Variants in SBF1 observed in about 807,000 individuals in gnomAD.
The protein encoded by SBF1 is myotubularin-related protein 5.
SBF1 carries 65 observed loss-of-function variants against 215.8 expected under a neutral mutation model. The ratio of observed to expected loss-of-function variants is 0.30; its 90% CI spans 0.25 to 0.37. SBF1 has a LOEUF of 0.37. Ranked by LOEUF, SBF1 falls within the 10% of genes least tolerant of loss-of-function variation. SBF1 has a pLI of 1.00. For synonymous variants in SBF1, 1,410 were observed against 1,122.8 expected, an observed-to-expected ratio of 1.26 and a Z score of -5.11; for missense variants, 2,634 against 2,667.8, an observed-to-expected ratio of 0.99 and a Z score of 0.28.
At chr22:50,447,497 T>TGCC in intron 39 of SBF1, 25 bp downstream of exon 39, 4 of 1,296,232 alleles carry the variant, frequency 3.1e-6, no homozygotes, top group South Asian at 1.2e-5. Flanking sequence ...CCCCCGTGAG[T>TGCC]CCCCCCCACC....
intron 36 of SBF1, among the ~76,000 whole-genome samples, chr22:50,451,106 G>A (rs1222758327): frequency 1.4e-5 from 2 of 144,402 alleles, no homozygotes; most frequent in Non-Finnish European, 3.0e-5. Context: ...AAGGTGAGAG[G>A]ACTGCTTGAG....
chr22:50,474,539 G>A (rs2068105522), intron 1 of SBF1, among the ~76,000 whole-genome samples: 3 of 152,232 alleles, frequency 2.0e-5, no homozygotes, highest in Admixed American at 6.5e-5. Flanking sequence ...CTGTCCGGTC[G>A]GCCCTGGCCT....
rs745711259 is a variant in SBF1 at position 50,448,324 on chromosome 22, T to C, written c.5272A>G (p.Ser1758Gly). 40 of 1,613,628 alleles carry C rather than the reference T, an allele frequency of 2.5e-5. No individual in the cohort carries two copies. The highest frequency in any genetic ancestry group is 1.0e-4 in the Admixed American group (6 of 60,006). Residue 1758 changes from serine (S) to glycine (G), a missense_variant, in exon 38 of 41, where the codon AGT becomes GGT. Coordinates refer to ENST00000380817, the MANE Select transcript of SBF1 (RefSeq NM_002972.4). ...LSLSLDSDQS[S>G]GSTTSGSRQA... is the part of the protein sequence containing the mutation. ...CGGGAGCCGGATGTGGTTGAGCCAC[T>C]ACTCTGGTCGCTGTCCAGGCTGAGG...
intron 36 of SBF1, among the ~76,000 whole-genome samples, chr22:50,451,824 C>A (rs2067058786): frequency 6.8e-6 from 1 of 146,866 alleles, no homozygotes. Flanking sequence ...GAGGCAGAGT[C>A]TCACTCATGT....
chr22:50,462,749 T>C, intron 17 of SBF1, 32 bp from the exon 18 acceptor site: 3 of 1,609,550 alleles, frequency 1.9e-6, no homozygotes, highest in Non-Finnish European at 2.5e-6. Context: ...GTCAGCTGGA[T>C]GCAGCCAGGA....
At position 50,448,244 on chromosome 22, in the gene SBF1, C is replaced by G; in HGVS notation, c.5352G>C (p.Glu1784Asp). The G allele has an allele frequency of 1.2e-6, 2 of 1,612,254 alleles. No individual in the cohort carries two copies. Among genetic ancestry groups the G allele is most frequent in the South Asian group, 1.1e-5 (1 of 91,008 alleles). The change falls in exon 38 of 41, where the codon GAG becomes GAC. Residue 1784 changes from glutamate to aspartate, a missense_variant. Transcript: ENST00000380817. Reference protein sequence around the residue: ...STLYSQFQTAESENRSYEGTL... With the variant: ...STLYSQFQTADSENRSYEGTL... Reference sequence around the variant, plus strand: ...AGGTGCCCTCATACCTGTTCTCACTCTCTGCTGTCTGGAACTGGCTGTACA... The same window carrying G: ...AGGTGCCCTCATACCTGTTCTCACTGTCTGCTGTCTGGAACTGGCTGTACA...
At chr22:50,463,845 C>G (rs1417643001) in intron 15 of SBF1, among the ~76,000 whole-genome samples, 5 of 152,220 alleles carry the variant, frequency 3.3e-5, no homozygotes, top group African/African-American at 4.8e-5. Flanking sequence ...GGACACCATA[C>G]AGCCAATGAA....
chr22:50,465,256 C>T lies in SBF1; in HGVS notation c.1162G>A (p.Val388Ile), dbSNP rs765101409. 1.9e-5 allele frequency: 31 copies of T among 1,611,758 alleles called. No individual in the cohort carries two copies. Among genetic ancestry groups the T allele is most frequent in the Admixed American group, 1.8e-4 (11 of 59,634 alleles). ...LLQGYRWCLH[V>I]VRIHPEPVIR... is the part of the protein sequence containing the mutation. ...ACAGGCTCCGGGTGGATGCGCACGA[C>T]GTGCAGGCACCAGCGATAGCCCTGC... The change falls in exon 11 of 41, where the codon GTC (valine) becomes ATC (isoleucine). Residue 388 changes from valine to isoleucine, a missense_variant. Transcript: ENST00000380817.
Position 50,465,250 on chromosome 22 carries a change from G to A in SBF1, c.1168C>T (p.Arg390Cys), listed in dbSNP as rs1303975437. The A allele has an allele frequency of 2.5e-6, 4 of 1,611,702 alleles. No individual in the cohort carries two copies. Among genetic ancestry groups the A allele is most frequent in the African/African-American group, 1.3e-5 (1 of 74,918 alleles). ...CGGATGACAGGCTCCGGGTGGATGC[G>A]CACGACGTGCAGGCACCAGCGATAG... Reference protein sequence around the residue: ...QGYRWCLHVVRIHPEPVIRFH... With the variant: ...QGYRWCLHVVCIHPEPVIRFH... The change falls in exon 11 of 41, where the codon CGC becomes TGC. Residue 390 changes from arginine to cysteine, a missense_variant. By Grantham distance (180) the Arg-to-Cys change is radical (BLOSUM62 -3). Transcript: ENST00000380817.
chr22:50,466,982 C>A, intron 5 of SBF1: 1 of 558,206 alleles, frequency 1.8e-6, no homozygotes, highest in Non-Finnish European at 3.2e-6. Flanking sequence ...CCATACCGCT[C>A]CTTCCTCAAC....
chr22:50,449,865 G>C (rs2066981072), intron 36 of SBF1, among the ~76,000 whole-genome samples: 1 of 152,184 alleles, frequency 6.6e-6, no homozygotes, highest in Admixed American at 6.5e-5. Context: ...GATGAAACTG[G>C]ACAAGAAGGG....
At chr22:50,465,628 C>T in intron 10 of SBF1, 135 bp downstream of exon 10, 2 of 841,744 alleles carry the variant, frequency 2.4e-6, no homozygotes, top group Non-Finnish European at 3.7e-6. Context: ...AGCTGCTTTG[C>T]TCCCAGGCTC....
chr22:50,459,798 C>A, intron 26 of SBF1, 132 bp from the exon 27 acceptor site: 1 of 1,316,270 alleles, frequency 7.6e-7, no homozygotes, highest in Non-Finnish European at 1.0e-6. Context: ...CGGGGCCCCC[C>A]AGCCACCCCC....
intron 36 of SBF1, among the ~76,000 whole-genome samples, chr22:50,451,161 C>A (rs539946671): frequency 1.1e-5 from 1 of 92,582 alleles, no homozygotes; most frequent in Non-Finnish European, 2.0e-5. Flanking sequence ...GAGACCCCAT[C>A]TCTACAAAAA....
intron 36 of SBF1, among the ~76,000 whole-genome samples, chr22:50,451,315 A>T (rs2067038438): frequency 6.6e-6 from 1 of 152,206 alleles, no homozygotes; most frequent in African/African-American, 2.4e-5. Flanking sequence ...ACTGCACTCC[A>T]GCCTGGGCAA....
At chr22:50,452,140 T>TAAAAAAAAAAAA (rs374473892) in intron 36 of SBF1, among the ~76,000 whole-genome samples, 3 of 113,220 alleles carry the variant, frequency 2.6e-5, no homozygotes, top group Admixed American at 9.3e-5. Flanking sequence ...ACTGCTGAAT[T>TAAAAAAAAAAAA]AAAAAAAAAA....
intron 1 of SBF1, among the ~76,000 whole-genome samples, chr22:50,470,013 C>A (rs1295002747): frequency 6.6e-6 from 1 of 152,100 alleles, no homozygotes; most frequent in Non-Finnish European, 1.5e-5. Context: ...CCACCGACAC[C>A]CTGCAGAGGA....
intron 29 of SBF1, 150 bp from the exon 30 acceptor site, chr22:50,456,823 G>T: frequency 1.3e-6 from 1 of 772,436 alleles, no homozygotes; most frequent in Non-Finnish European, 2.0e-6. Context: ...AGGAGGGCTG[G>T]AACACACAGA....
Position 50,449,355 on chromosome 22 carries a change from G to A in SBF1, c.5044-705C>T, listed in dbSNP as rs903402799. Among the ~76,000 whole-genome samples, 48 of 151,838 alleles carry A rather than the reference G, an allele frequency of 3.2e-4. 1 individual carries two copies. Among genetic ancestry groups the A allele is most frequent in the Non-Finnish European group, 5.6e-4 (38 of 68,008 alleles). ...TTTAGGGCCAGGCGCGGTGGCTCACGCCTGTAATCCCAGCACTTTGGGTGG... is the reference window on the plus strand; with the variant it reads ...TTTAGGGCCAGGCGCGGTGGCTCACACCTGTAATCCCAGCACTTTGGGTGG... On this transcript the variant is annotated intron_variant, in intron 36 of 40. Coordinates refer to ENST00000380817, the MANE Select transcript of SBF1 (RefSeq NM_002972.4).
Sources: gnomAD v4.1 joint callset for allele counts (sites outside exome capture counted in the v4.1 genomes callset) on GRCh38, gnomAD v4.1.1 for gene constraint, MANE v1.5 for transcripts, NCBI Gene and HGNC (gene_info 2026-07-23, HGNC 2026-07-21) for gene names.